Variants in USP6NL observed in about 807,000 individuals in gnomAD.
The protein encoded by USP6NL is USP6 N-terminal-like protein.
Under a neutral mutation model 61.9 loss-of-function variants are expected in USP6NL, and 26 were observed. That is an observed-to-expected ratio of 0.42 (90% CI 0.31 to 0.58). The LOEUF is 0.58. Ranked by LOEUF, USP6NL falls within the 20% of genes least tolerant of loss-of-function variation. The probability of loss-of-function intolerance (pLI) is 0.16; values close to 1 mark genes in which losing one functional copy is unlikely to be tolerated. For missense variants in USP6NL, 1,114 were observed against 1,034.3 expected, an observed-to-expected ratio of 1.08 and a Z score of -1.06; for synonymous variants, 432 against 390.1, an observed-to-expected ratio of 1.11 and a Z score of -1.27.
intron 2 of USP6NL, among the ~76,000 whole-genome samples, chr10:11,546,013 T>C (rs906120840): frequency 6.6e-6 from 1 of 152,250 alleles, no homozygotes; most frequent in African/African-American, 2.4e-5. Flanking sequence ...AACAGTAAAT[T>C]ACTTTAATTG....
intron 2 of USP6NL, among the ~76,000 whole-genome samples, chr10:11,579,732 T>C (rs932351654): frequency 1.3e-5 from 2 of 152,196 alleles, no homozygotes; most frequent in Admixed American, 1.3e-4. Context: ...CACAAGTTAT[T>C]TTCCTGCCCC....
intron 2 of USP6NL, among the ~76,000 whole-genome samples, chr10:11,577,357 C>G (rs1837588813): frequency 6.6e-6 from 1 of 152,112 alleles, no homozygotes; most frequent in Non-Finnish European, 1.5e-5. Flanking sequence ...AGCCACCACG[C>G]CCAGCCTAGA....
chr10:11,474,865 G>A lies in USP6NL; in HGVS notation c.1078+6905C>T, dbSNP rs879744681. On this transcript the variant is annotated intron_variant, in intron 14 of 14. Coordinates refer to ENST00000609104, the MANE Select transcript of USP6NL (RefSeq NM_014688.5). The surrounding 1 kb of genome is among the most constrained non-coding windows in gnomAD (Gnocchi z 4.9). The stretch of plus-strand genomic sequence containing the variant: ...GACTCAAAAGCGGCCGGGGAGGTGG[G>A]ATGTGAAGTGTGGAAGCTGCGGACA... Among the ~76,000 whole-genome samples, 11 of 152,144 alleles carry A rather than the reference G, an allele frequency of 7.2e-5. No homozygotes were observed. The highest frequency in any genetic ancestry group is 1.9e-4 in the African/African-American group (8 of 41,420).
At chr10:11,556,025 G>A (rs1050185739) in intron 2 of USP6NL, among the ~76,000 whole-genome samples, 6 of 152,234 alleles carry the variant, frequency 3.9e-5, no homozygotes, top group East Asian at 1.9e-4. Flanking sequence ...AGAAAAACAC[G>A]AGCCTTGATG....
intron 2 of USP6NL, among the ~76,000 whole-genome samples, chr10:11,580,477 G>A (rs1011080908): frequency 5.3e-5 from 8 of 152,032 alleles, no homozygotes; most frequent in Non-Finnish European, 1.0e-4. Context: ...GGAAATAATC[G>A]AAATGTCCGA....
rs139888648 is a variant in USP6NL at position 11,557,575 on chromosome 10, G to C, written c.5-30008C>G. Among the ~76,000 whole-genome samples the C allele has an allele frequency of 1.3e-3, 203 of 152,312 alleles. 1 individual carries two copies. Among genetic ancestry groups the C allele is most frequent in the Middle Eastern group, 0.01 (3 of 294 alleles). Reference sequence around the variant, plus strand: ...CAGAGTCATGGGGCTGAAACCTGACGACAGTGGATTTAAAGGAAAATGGAA... The same window carrying C: ...CAGAGTCATGGGGCTGAAACCTGACCACAGTGGATTTAAAGGAAAATGGAA... On this transcript the variant is annotated intron_variant, in intron 2 of 14. Coordinates refer to ENST00000609104, the MANE Select transcript of USP6NL (RefSeq NM_014688.5).
chr10:11,473,311 G>A (rs1205475912), intron 14 of USP6NL, among the ~76,000 whole-genome samples: 1 of 152,176 alleles, frequency 6.6e-6, no homozygotes, highest in Non-Finnish European at 1.5e-5. Context: ...ACTGTCCCAG[G>A]GAACTTTCTG....
At chr10:11,571,946 CCTA>C (rs1210364445) in intron 2 of USP6NL, among the ~76,000 whole-genome samples, 2 of 149,864 alleles carry the variant, frequency 1.3e-5, no homozygotes, top group Non-Finnish European at 3.0e-5. Flanking sequence ...ATATACTACT[CCTA>C]CTACTTTAAT....
At chr10:11,544,821 A>G (rs551973391) in intron 2 of USP6NL, among the ~76,000 whole-genome samples, 2 of 152,338 alleles carry the variant, frequency 1.3e-5, no homozygotes, top group South Asian at 2.1e-4. Flanking sequence ...GATAAGCAGG[A>G]CCAACTTCAC....
chr10:11,583,454 G>A (rs570435262), intron 2 of USP6NL, among the ~76,000 whole-genome samples: 1 of 152,004 alleles, frequency 6.6e-6, no homozygotes, highest in Non-Finnish European at 1.5e-5. Flanking sequence ...GCCTCCCAAA[G>A]TGCTGGGATT....
chr10:11,551,809 G>A (rs1362480884), intron 2 of USP6NL, among the ~76,000 whole-genome samples: 1 of 152,120 alleles, frequency 6.6e-6, no homozygotes, highest in Admixed American at 6.5e-5. Context: ...AAGTTTTAAG[G>A]ACTATTCAAA....
In USP6NL at chr10:11,575,238, T is replaced by C. The variant is rs1023863532; in HGVS notation, c.4+22393A>G. Among the ~76,000 whole-genome samples the C allele has an allele frequency of 6.6e-6, 1 of 152,184 alleles. No individual in the cohort carries two copies. The highest frequency in any genetic ancestry group is 1.5e-5 in the Non-Finnish European group (1 of 68,010). ...AGATGTAAATTTAAACAAATAAAAG[T>C]AGAAATCTAACTCCTCAATTCAAGT... is the stretch of plus-strand genomic sequence containing the variant. On this transcript the variant is annotated intron_variant, in intron 2 of 14. Coordinates refer to ENST00000609104, the MANE Select transcript of USP6NL (RefSeq NM_014688.5). This position sits in a 1 kb window ranked among gnomAD's most constrained non-coding sequence, Gnocchi z 4.2.
At position 11,518,142 on chromosome 10, in the gene USP6NL, T is replaced by G. The variant is rs979879862; in HGVS notation, c.195+393A>C. Among the ~76,000 whole-genome samples the G allele has an allele frequency of 4.6e-5, 7 of 152,238 alleles. No homozygotes were observed. The highest frequency in any genetic ancestry group is 1.7e-4 in the African/African-American group (7 of 41,452). On this transcript the variant is annotated intron_variant, in intron 5 of 14. Coordinates refer to ENST00000609104, the MANE Select transcript of USP6NL (RefSeq NM_014688.5). The surrounding 1 kb of genome is among the most constrained non-coding windows in gnomAD (Gnocchi z 5.3). Reference sequence around the variant, plus strand: ...GAACAGTCACATTTCAAAGAACTGCTGGTCTTAGAATGGTGCTTTATTTGC... The same window carrying G: ...GAACAGTCACATTTCAAAGAACTGCGGGTCTTAGAATGGTGCTTTATTTGC...
rs186571704 is a variant in USP6NL at position 11,555,274 on chromosome 10, G to T, written c.5-27707C>A. ...CTACTAAAGTACAAAAATTAGCCAG[G>T]TATGGTGGCAGGCACCTGTAACCCC... On this transcript the variant is annotated intron_variant, in intron 2 of 14. Coordinates refer to ENST00000609104, the MANE Select transcript of USP6NL (RefSeq NM_014688.5). Among the ~76,000 whole-genome samples the T allele has an allele frequency of 6.0e-4, 89 of 148,998 alleles. 2 individuals carry two copies. In the East Asian group the frequency reaches 0.018, roughly 29 times the overall value.
Position 11,532,422 on chromosome 10 carries a change from T to A in USP6NL, c.5-4855A>T. 1 of 517,350 alleles carries A rather than the reference T, an allele frequency of 1.9e-6. No individual in the cohort carries two copies. The highest frequency in any genetic ancestry group is 3.4e-6 in the Non-Finnish European group (1 of 296,158). 32.0% of individuals were successfully genotyped at this position (517,350 alleles called of 1,614,324 possible). ...GTTTGAGATGCACTCTGTCTTCTTC[T>A]AAGGGAGAAAAAAACCTTGCTGTGG... is the stretch of plus-strand genomic sequence containing the variant. On this transcript the variant is annotated intron_variant, in intron 2 of 14. Coordinates refer to ENST00000609104, the MANE Select transcript of USP6NL (RefSeq NM_014688.5). The surrounding 1 kb of genome is among the most constrained non-coding windows in gnomAD (Gnocchi z 4.1).
chr10:11,554,630 T>C (rs1407832151), intron 2 of USP6NL, among the ~76,000 whole-genome samples: 4 of 152,150 alleles, frequency 2.6e-5, no homozygotes, highest in Admixed American at 1.3e-4. Flanking sequence ...TAAGTCGTTT[T>C]GCCTTTTATT....
At chr10:11,538,238 A>T (rs1835912642) in intron 2 of USP6NL, among the ~76,000 whole-genome samples, 1 of 152,186 alleles carries the variant, frequency 6.6e-6, no homozygotes, top group Non-Finnish European at 1.5e-5. Flanking sequence ...ATAACAGAGA[A>T]GCCTTTTTTT....
intron 4 of USP6NL, among the ~76,000 whole-genome samples, chr10:11,522,747 C>T (rs771186569): frequency 6.6e-6 from 1 of 152,202 alleles, no homozygotes; most frequent in Non-Finnish European, 1.5e-5. Flanking sequence ...AAACAGTATC[C>T]TTCTCTTTAG....
In USP6NL at chr10:11,585,767, A is replaced by G. The variant is rs1837940810; in HGVS notation, c.4+11864T>C. On this transcript the variant is annotated intron_variant, in intron 2 of 14. Transcript: ENST00000609104. This position sits in a 1 kb window ranked among gnomAD's most constrained non-coding sequence, Gnocchi z 4.5. ...GATAAACAAAATATGGTCTATATATACAAGGGAATATTATTCAGCCTTAAA... is the reference window on the plus strand; with the variant it reads ...GATAAACAAAATATGGTCTATATATGCAAGGGAATATTATTCAGCCTTAAA... 6.6e-6 allele frequency among the ~76,000 whole-genome samples: 1 copy of G among 152,234 alleles called. No individual in the cohort carries two copies. Among genetic ancestry groups the G allele is most frequent in the African/African-American group, 2.4e-5 (1 of 41,462 alleles).
Sources: gnomAD v4.1 joint callset for allele counts (sites outside exome capture counted in the v4.1 genomes callset) on GRCh38, gnomAD v4.1.1 for gene constraint, Gnocchi (gnomAD v3.1) non-coding constraint, MANE v1.5 for transcripts, NCBI Gene and HGNC (gene_info 2026-07-23, HGNC 2026-07-21) for gene names.